The following RYR2 variants were observed in gnomAD, a reference collection of about 807,000 sequenced individuals.
The protein encoded by RYR2 is ryanodine receptor 2, also known as cardiac muscle ryanodine receptor-calcium release channel.
RYR2 carries 227 observed loss-of-function variants against 601.1 expected under a neutral mutation model. The ratio of observed to expected loss-of-function variants is 0.38; its 90% confidence interval spans 0.34 to 0.42. RYR2 has a LOEUF of 0.42. Ranked by LOEUF, RYR2 falls within the 10% of genes least tolerant of loss-of-function variation. The probability of loss-of-function intolerance (pLI) is 1.00; values close to 1 mark genes in which losing one functional copy is unlikely to be tolerated. For missense variants in RYR2, 4,646 were observed against 6,156.5 expected (o/e 0.75, Z 8.21); for synonymous variants, 2,223 against 2,175.1 (o/e 1.02, Z -0.61).
intron 63 of RYR2, 104 bp downstream of exon 63, chr1:237,687,608 A>C: frequency 1.2e-6 from 1 of 853,264 alleles, no homozygotes; most frequent in Non-Finnish European, 2.0e-6. Context: ...GCATGTTTGC[A>C]TGGCTGCATG....
At chr1:237,664,939 G>A (rs1684166074) in intron 56 of RYR2, among the ~76,000 whole-genome samples, 1 of 152,146 alleles carries the variant, frequency 6.6e-6, no homozygotes, top group Admixed American at 6.5e-5. Flanking sequence ...GGTGTTGATA[G>A]CAGTTATGGT....
intron 38 of RYR2, among the ~76,000 whole-genome samples, chr1:237,621,614 T>C (rs1467717827): frequency 6.6e-6 from 1 of 152,204 alleles, no homozygotes; most frequent in Non-Finnish European, 1.5e-5. Flanking sequence ...GATTTTTTTC[T>C]TCTCACCTTT....
In RYR2 at chr1:237,593,597, C is replaced by G; in HGVS notation, c.4397C>G (p.Thr1466Arg). ...GACTTGGACAGAGTTCGCACAGTAA[C>G]AGTTACTCTAGGAGATGAAAAAGGA... ...GFDLDRVRTV[T>R]VTLGDEKGKV... The change falls in exon 33 of 105, where the codon ACA becomes AGA. Residue 1466 changes from threonine (T) to arginine (R), a missense_variant. This residue lies in a region of RYR2 where 1,807 missense variants were observed against 2,088.1 expected (regional missense o/e 0.87). Coordinates refer to ENST00000366574, the MANE Select transcript of RYR2 (RefSeq NM_001035.3). 1 of 1,613,832 alleles carries G rather than the reference C, an allele frequency of 6.2e-7. No individual in the cohort carries two copies. Among genetic ancestry groups the G allele is most frequent in the Non-Finnish European group, 8.5e-7 (1 of 1,179,822 alleles).
intron 1 of RYR2, among the ~76,000 whole-genome samples, chr1:237,259,274 A>T (rs1296859491): frequency 1.3e-5 from 2 of 152,076 alleles, no homozygotes; most frequent in African/African-American, 4.8e-5. Context: ...TTGGGAGGCC[A>T]AGGCGGGAGG....
In RYR2 at chr1:237,594,912, T is replaced by TG. The variant is rs1559084290; in HGVS notation, c.4437-586_4437-585insG. ...TTTTTTTTTTTTTTTTTTTTTTTTT[T>TG]TTTTTTTTTTTTTTTTTTTGCATAT... On this transcript the variant is annotated intron_variant, in intron 33 of 104. Transcript: ENST00000366574. Among the ~76,000 whole-genome samples, 73 of 73,306 alleles carry TG rather than the reference T, an allele frequency of 1.0e-3. 2 individuals carry two copies. Among genetic ancestry groups the TG allele is most frequent in the African/African-American group, 2.4e-3 (66 of 27,028 alleles). 48.1% of individuals were successfully genotyped at this position (73,306 alleles called of 152,430 possible).
At chr1:237,091,817 G>A (rs1387864747) in intron 1 of RYR2, among the ~76,000 whole-genome samples, 2 of 152,060 alleles carry the variant, frequency 1.3e-5, no homozygotes, top group African/African-American at 2.4e-5. Context: ...TAAATTCCAG[G>A]CCTGTGCTGC....
At chr1:237,323,495 T>C (rs1005013810) in intron 2 of RYR2, among the ~76,000 whole-genome samples, 2 of 152,204 alleles carry the variant, frequency 1.3e-5, no homozygotes, top group Admixed American at 6.5e-5. Context: ...GTGTACCTTC[T>C]AGTTTTGCAC....
At chr1:237,287,624 A>C (rs1212648836) in intron 2 of RYR2, among the ~76,000 whole-genome samples, 1 of 152,124 alleles carries the variant, frequency 6.6e-6, no homozygotes, top group African/African-American at 2.4e-5. Context: ...AGAGCATTTC[A>C]CATTTCTAAA....
chr1:237,235,817 G>T lies in RYR2; in HGVS notation c.49-34680G>T, dbSNP rs186921130. 3.3e-5 allele frequency among the ~76,000 whole-genome samples: 5 copies of T among 152,348 alleles called. No homozygotes were observed. In the East Asian group the frequency reaches 9.6e-4, roughly 29 times the overall value. ...ATTAAAATAGTTTTTAGAGCAAGGT[G>T]TAGGGTGCAGATGTGGCATCATTTA... On this transcript the variant is annotated intron_variant, in intron 1 of 104. Transcript: ENST00000366574.
Position 237,334,565 on chromosome 1 carries a change from C to T in RYR2, c.273+3583C>T, listed in dbSNP as rs16835145. On this transcript the variant is annotated intron_variant, in intron 3 of 104. Coordinates refer to ENST00000366574, the MANE Select transcript of RYR2 (RefSeq NM_001035.3). ...CAATAGTAAATAGGCCAAGACCTGT[C>T]TATCTCAGTAGCTGCCCACAGAAGC... Among the ~76,000 whole-genome samples the T allele has an allele frequency of 9.5e-3, 1,450 of 152,192 alleles. 25 individuals are homozygous for T. The highest frequency in any genetic ancestry group is 0.03 in the African/African-American group (1,265 of 41,522).
At chr1:237,592,586 C>G (rs959816245) in intron 32 of RYR2, among the ~76,000 whole-genome samples, 1 of 148,430 alleles carries the variant, frequency 6.7e-6, no homozygotes, top group Non-Finnish European at 1.5e-5. Context: ...TGAGCCGACA[C>G]GGTGTCACTG....
Position 237,677,541 on chromosome 1 carries a change from C to T in RYR2, c.8831-507C>T, listed in dbSNP as rs111239025. ...ATATTAAAATTGCTGTCCTCCTCCT[C>T]ATCCCAGATCCTGACTTCCTGCAGT... On this transcript the variant is annotated intron_variant, in intron 60 of 104. Transcript: ENST00000366574. 2.4e-3 allele frequency among the ~76,000 whole-genome samples: 363 copies of T among 152,292 alleles called. 2 individuals are homozygous for T. Among genetic ancestry groups the T allele is most frequent in the Non-Finnish European group, 1.6e-3 (110 of 68,010 alleles).
chr1:237,603,560 C>G (rs1676756050), intron 35 of RYR2, among the ~76,000 whole-genome samples: 1 of 152,186 alleles, frequency 6.6e-6, no homozygotes, highest in Admixed American at 6.5e-5. Flanking sequence ...ATGACAGGAT[C>G]AAATTCACAC....
At chr1:237,565,286 G>C (rs1456178724) in intron 27 of RYR2, among the ~76,000 whole-genome samples, 1 of 100,090 alleles carries the variant, frequency 1.0e-5, no homozygotes, top group Admixed American at 1.3e-4. Context: ...TTTGTTTTGA[G>C]ACAGGATCTC....
At chr1:237,242,646 G>A (rs75804850) in intron 1 of RYR2, among the ~76,000 whole-genome samples, 7,110 of 152,180 alleles carry the variant, frequency 0.047, 243 homozygotes, top group Middle Eastern at 0.13. Context: ...TGCACTAAGG[G>A]CTTGAGAAAA....
At chr1:237,508,556 A>G (rs1665506369) in intron 23 of RYR2, among the ~76,000 whole-genome samples, 1 of 151,800 alleles carries the variant, frequency 6.6e-6, no homozygotes, top group Non-Finnish European at 1.5e-5. Flanking sequence ...CTCCACTGCA[A>G]ACTCCTAGTA....
At position 237,623,810 on chromosome 1, in the gene RYR2, T is replaced by C. The variant is rs1392697299; in HGVS notation, c.5962T>C (p.Cys1988Arg). ...TAAGGATGACAAAAGTGAATGTCCA[T>C]GTCCAGAAGAAATTCGTGACCAACT... is the stretch of plus-strand genomic sequence containing the variant. ...NFKDDKSECPCPEEIRDQLLD... is the reference protein window; with the variant it reads ...NFKDDKSECPRPEEIRDQLLD... Residue 1988 changes from cysteine to arginine, a missense_variant, in exon 39 of 105, where the codon TGT becomes CGT. Coordinates refer to ENST00000366574, the MANE Select transcript of RYR2 (RefSeq NM_001035.3). The C allele has an allele frequency of 1.9e-6, 3 of 1,613,628 alleles. No individual in the cohort carries two copies. Among genetic ancestry groups the C allele is most frequent in the Non-Finnish European group, 2.5e-6 (3 of 1,179,572 alleles).
intron 58 of RYR2, among the ~76,000 whole-genome samples, chr1:237,669,555 G>T (rs1469081682): frequency 6.6e-6 from 1 of 150,868 alleles, no homozygotes; most frequent in Non-Finnish European, 1.5e-5. Flanking sequence ...GGGCGGAGGG[G>T]CTCCTCACTT....
intron 1 of RYR2, among the ~76,000 whole-genome samples, chr1:237,182,391 A>G (rs764398547): frequency 1.4e-4 from 22 of 151,996 alleles, no homozygotes; most frequent in Non-Finnish European, 2.8e-4. Flanking sequence ...AAGTGCTGGG[A>G]TTACAGGCGT....
Sources: allele counts gnomAD v4.1 joint callset (sites outside exome capture counted in the v4.1 genomes callset), GRCh38; gene constraint gnomAD v4.1.1; regional missense constraint gnomAD v4.1.1; transcripts MANE v1.5; gene names NCBI Gene and HGNC (gene_info 2026-07-23, HGNC 2026-07-21).